The following MACROD2 variants were observed in gnomAD, a reference collection of about 807,000 sequenced individuals.
MACROD2 encodes the protein ADP-ribose glycohydrolase MACROD2.
In MACROD2, 36 loss-of-function variants were observed where a neutral mutation model predicts 70.4. That is an observed-to-expected ratio of 0.51 (90% confidence interval 0.39 to 0.68). The LOEUF (loss-of-function observed/expected upper bound fraction) is 0.68, where lower values mean the gene tolerates loss of function less well. MACROD2 is among the 30% of genes least tolerant of loss of function. The pLI is 0.00. For synonymous variants in MACROD2, 172 were observed against 178.8 expected (o/e 0.96, Z 0.30); for missense variants, 496 against 538.4 (o/e 0.92, Z 0.78).
intron 4 of MACROD2, among the ~76,000 whole-genome samples, chr20:14,659,485 T>G (rs1986126354): frequency 6.6e-6 from 1 of 152,164 alleles, no homozygotes; most frequent in South Asian, 2.1e-4. Context: ...GTTGCTTGGT[T>G]CCTTTTAGAG....
At chr20:14,994,623 G>GA (rs1160544931) in intron 5 of MACROD2, among the ~76,000 whole-genome samples, 5 of 151,806 alleles carry the variant, frequency 3.3e-5, no homozygotes, top group African/African-American at 1.2e-4. Flanking sequence ...AAAGGAAATA[G>GA]AAAAAAAGCA....
At chr20:15,843,129 A>G (rs175818) in intron 8 of MACROD2, among the ~76,000 whole-genome samples, 20,501 of 152,174 alleles carry the variant, frequency 0.13, 1,661 homozygotes, top group South Asian at 0.27. Context: ...TAGTGACTTA[A>G]ATGAGGTAAT....
intron 5 of MACROD2, among the ~76,000 whole-genome samples, chr20:14,985,261 A>G (rs2074838455): frequency 6.6e-6 from 1 of 152,210 alleles, no homozygotes; most frequent in Non-Finnish European, 1.5e-5. Flanking sequence ...TTTTTGCCCC[A>G]GGATGCCAAA....
chr20:15,557,634 A>G (rs565202362), intron 8 of MACROD2, among the ~76,000 whole-genome samples: 1 of 152,358 alleles, frequency 6.6e-6, no homozygotes, highest in Non-Finnish European at 1.5e-5. Context: ...CAAAGGGCCA[A>G]TAGAAACTTT....
chr20:14,686,224 A>G (rs2071000641), intron 5 of MACROD2, among the ~76,000 whole-genome samples: 2 of 152,132 alleles, frequency 1.3e-5, no homozygotes, highest in South Asian at 4.1e-4. Flanking sequence ...TTTGGATTTC[A>G]GATCTTTTTT....
intron 4 of MACROD2, among the ~76,000 whole-genome samples, chr20:14,525,528 G>A (rs1434371112): frequency 6.6e-6 from 1 of 152,206 alleles, no homozygotes; most frequent in Non-Finnish European, 1.5e-5. Context: ...TTAAGCTTAT[G>A]TAATGAATAA....
intron 5 of MACROD2, among the ~76,000 whole-genome samples, chr20:14,788,775 T>G (rs1239010657): frequency 8.5e-5 from 12 of 141,422 alleles, no homozygotes; most frequent in Admixed American, 7.0e-4. Context: ...TTTTTTTTTT[T>G]TTTTTTTTTT....
At chr20:14,219,743 C>G (rs930253802) in intron 3 of MACROD2, among the ~76,000 whole-genome samples, 1 of 152,192 alleles carries the variant, frequency 6.6e-6, no homozygotes, top group Non-Finnish European at 1.5e-5. Context: ...TACTCTCCCC[C>G]TTTTCCTGTG....
chr20:14,487,949 A>G (rs1354707702), intron 3 of MACROD2, among the ~76,000 whole-genome samples: 1 of 152,220 alleles, frequency 6.6e-6, no homozygotes, highest in Non-Finnish European at 1.5e-5. Context: ...CTATAATATT[A>G]TAAGAAATAT....
chr20:15,835,788 G>A (rs1053514138), intron 8 of MACROD2, among the ~76,000 whole-genome samples: 22 of 152,126 alleles, frequency 1.4e-4, no homozygotes, highest in Admixed American at 1.4e-3. Flanking sequence ...TTCATCTTAA[G>A]CATCAAAAAC....
chr20:15,160,122 A>G (rs941294950), intron 5 of MACROD2, among the ~76,000 whole-genome samples: 14 of 152,050 alleles, frequency 9.2e-5, no homozygotes, highest in African/African-American at 3.4e-4. Flanking sequence ...TTCAGAGACA[A>G]TTGGAACCCC....
chr20:15,198,139 TC>T (rs1306254561), intron 5 of MACROD2, among the ~76,000 whole-genome samples: 4 of 152,042 alleles, frequency 2.6e-5, no homozygotes, highest in Non-Finnish European at 4.4e-5. Flanking sequence ...TTCTGTATTT[TC>T]AGTAGAGACG....
intron 7 of MACROD2, among the ~76,000 whole-genome samples, chr20:15,448,284 G>A (rs1055695240): frequency 4.6e-5 from 7 of 152,078 alleles, no homozygotes; most frequent in Admixed American, 4.6e-4. Flanking sequence ...TTTCTCTGCT[G>A]TTTGCATCCT....
chr20:14,805,916 C>G (rs1201529045), intron 5 of MACROD2, among the ~76,000 whole-genome samples: 3 of 152,056 alleles, frequency 2.0e-5, no homozygotes, highest in Non-Finnish European at 2.9e-5. Context: ...ACCACTTTCT[C>G]TTGTGTGACC....
intron 13 of MACROD2, 59 bp downstream of exon 13, chr20:15,967,689 A>AT: frequency 7.1e-7 from 1 of 1,406,516 alleles, no homozygotes; most frequent in Non-Finnish European, 9.7e-7. Context: ...CAGAAAAAAA[A>AT]AAAAAAAAAA....
chr20:14,744,339 G>T (rs552683284), intron 5 of MACROD2, among the ~76,000 whole-genome samples: 1 of 152,052 alleles, frequency 6.6e-6, no homozygotes, highest in Admixed American at 6.6e-5. Context: ...TTTAATTGAC[G>T]TATAAAATTG....
intron 6 of MACROD2, among the ~76,000 whole-genome samples, chr20:15,388,921 T>C (rs1392648413): frequency 1.3e-5 from 2 of 152,048 alleles, no homozygotes; most frequent in African/African-American, 2.4e-5. Flanking sequence ...GAATAGACCT[T>C]GGAGAAAGTG....
At position 15,288,533 on chromosome 20, in the gene MACROD2, G is replaced by A. The variant is rs182575862; in HGVS notation, c.540+58472G>A. 3.3e-5 allele frequency among the ~76,000 whole-genome samples: 5 copies of A among 152,308 alleles called. No homozygotes were observed. In the East Asian group the frequency reaches 9.6e-4, roughly 29 times the overall value. ...TAAGAAAGATCCACCCTTATTAAGT[G>A]TGGGCAGTTACCATCTAATTGGTCG... On this transcript the variant is annotated intron_variant, in intron 6 of 17. Transcript: ENST00000684519.
intron 6 of MACROD2, among the ~76,000 whole-genome samples, chr20:15,341,916 C>T (rs2423941): frequency 0.62 from 94,185 of 151,866 alleles, 29,284 homozygotes; most frequent in East Asian, 0.75. Flanking sequence ...TAGCTAGGTG[C>T]GGTGGTGTGC....
Sources: allele counts gnomAD v4.1 joint callset (sites outside exome capture counted in the v4.1 genomes callset), GRCh38; gene constraint gnomAD v4.1.1; transcripts MANE v1.5; gene names NCBI Gene and HGNC (gene_info 2026-07-23, HGNC 2026-07-21).